The following CCN2 variants were observed in gnomAD, a reference collection of about 807,000 sequenced individuals.
CCN2 encodes CCN family member 2.
In CCN2, 22 loss-of-function variants were observed where a neutral mutation model predicts 33.2. The ratio of observed to expected loss-of-function variants is 0.66; its 90% CI spans 0.47 to 0.95. The LOEUF (loss-of-function observed/expected upper bound fraction) is 0.95. Among genes scored for constraint, CCN2 ranks in the 40% least tolerant of loss-of-function variants. The probability of loss-of-function intolerance (pLI) is 0.00; values close to 1 mark genes in which losing one functional copy is unlikely to be tolerated. For missense variants in CCN2, 469 were observed against 498.8 expected (o/e 0.94, Z 0.57); for synonymous variants, 178 against 200.6 (o/e 0.89, Z 0.95).
chr6:131,950,782 C>A lies in CCN2; in HGVS notation c.277G>T (p.Gly93Cys). The change falls in exon 2 of 5, where the codon GGC (glycine) becomes TGC (cysteine). Residue 93 changes from glycine to cysteine, a missense_variant. Physicochemically the swap from Gly to Cys is radical, Grantham distance 159. Transcript: ENST00000367976. This position sits in a 1 kb window ranked among gnomAD's most constrained non-coding sequence, Gnocchi z 7.1. ...HFGSPANRKI[G>C]VCTAKDGAPC... ...CTGCGGGTCTTACCGGTGCACACGC[C>A]GATCTTGCGGTTGGCCGGGGAGCCG... is the stretch of plus-strand genomic sequence containing the variant. 6.5e-7 allele frequency: 1 copy of A among 1,543,764 alleles called. No homozygotes were observed. The highest frequency in any genetic ancestry group is 8.7e-7 in the Non-Finnish European group (1 of 1,152,046).
In CCN2 at chr6:131,949,527, A is replaced by C. The variant is rs1585879928; in HGVS notation, c.787T>G (p.Ser263Ala). The stretch of plus-strand genomic sequence containing the variant: ...GAAAGCTCAAACTTGATAGGCTTGG[A>C]GATTTTGGGAGTACGGATGCACTTT... Reference protein sequence around the residue: ...GKKCIRTPKISKPIKFELSGC... With the variant: ...GKKCIRTPKIAKPIKFELSGC... Residue 263 changes from serine (S) to alanine (A), a missense_variant, in exon 5 of 5, where the codon TCC becomes GCC. Physicochemically the swap from Ser to Ala is moderately conservative, Grantham distance 99 (BLOSUM62 1). Transcript: ENST00000367976. 6.9e-7 allele frequency: 1 copy of C among 1,445,338 alleles called. No individual in the cohort carries two copies. The highest frequency in any genetic ancestry group is 9.3e-7 in the Non-Finnish European group (1 of 1,072,106). 89.5% of individuals were successfully genotyped at this position (1,445,338 alleles called of 1,614,324 possible).
chr6:131,951,029 G>C (rs979249373), intron 1 of CCN2, 37 bp from the exon 2 acceptor site: 1 of 1,255,414 alleles, frequency 8.0e-7, no homozygotes, highest in African/African-American at 1.6e-5. Context: ...GCGCTCGGTC[G>C]GCGCGCACGC....
Position 131,950,448 on chromosome 6 carries a change from C to G in CCN2, c.385G>C (p.Gly129Arg). 1 of 1,614,000 alleles carries G rather than the reference C, an allele frequency of 6.2e-7. No homozygotes were observed. The highest frequency in any genetic ancestry group is 8.5e-7 in the Non-Finnish European group (1 of 1,180,034). The change falls in exon 3 of 5, where the codon GGG becomes CGG. Residue 129 changes from glycine to arginine, a missense_variant. Physicochemically the swap from Gly to Arg is moderately radical, Grantham distance 125 (BLOSUM62 -2). Coordinates refer to ENST00000367976, the MANE Select transcript of CCN2 (RefSeq NM_001901.4). This position sits in a 1 kb window ranked among gnomAD's most constrained non-coding sequence, Gnocchi z 7.1. The stretch of plus-strand genomic sequence containing the variant: ...CACAGGGGCATGCAGCCCACCGCCC[C>G]GTCCAGGCACGTGCACTGGTACTTG... ...SCKYQCTCLD[G>R]AVGCMPLCSM... is the part of the protein sequence containing the mutation.
At position 131,950,676 on chromosome 6, in the gene CCN2, G is replaced by C; in HGVS notation, c.289+94C>G. On this transcript the variant is annotated intron_variant, in intron 2 of 4. Transcript: ENST00000367976. The surrounding 1 kb of genome is among the most constrained non-coding windows in gnomAD (Gnocchi z 7.1). ...GGCGGGCTGGCAGCAGCTGGAGAAA[G>C]AAACTCAGTCCGAGCGGTTTCTTTT... is the stretch of plus-strand genomic sequence containing the variant. 1 of 1,488,830 alleles carries C rather than the reference G, an allele frequency of 6.7e-7. No homozygotes were observed. The highest frequency in any genetic ancestry group is 9.1e-7 in the Non-Finnish European group (1 of 1,104,686). The allele number at this position is 1,488,830 out of a possible 1,614,324, so 92.2% of individuals were successfully genotyped here. A position where few individuals can be genotyped will look rare whatever the true frequency, so the allele number is the denominator to read the frequency against.
chr6:131,949,258 C>G lies in CCN2; in HGVS notation c.*6G>C. On this transcript the variant is annotated 3_prime_UTR_variant, in exon 5 of 5. Coordinates refer to ENST00000367976, the MANE Select transcript of CCN2 (RefSeq NM_001901.4). ...CTAATGAGTTAATGTCTCTCACTCT[C>G]TGGCTTCATGCCATGTCTCCGTACA... is the stretch of plus-strand genomic sequence containing the variant. 1.2e-6 allele frequency: 2 copies of G among 1,611,700 alleles called. No individual in the cohort carries two copies. The highest frequency in any genetic ancestry group is 1.7e-6 in the Non-Finnish European group (2 of 1,177,970).
Position 131,948,397 on chromosome 6 carries a change from A to G in CCN2, c.*867T>C, listed in dbSNP as rs1334587645. The G allele has an allele frequency of 6.6e-6, 1 of 152,632 alleles. No homozygotes were observed. Among genetic ancestry groups the G allele is most frequent in the African/African-American group, 2.4e-5 (1 of 41,458 alleles). The allele number at this position is 152,632 out of a possible 1,614,324, so 9.5% of individuals were successfully genotyped here. On this transcript the variant is annotated 3_prime_UTR_variant, in exon 5 of 5. Transcript: ENST00000367976. ...CTACCACATTTCCTACCTAGAAATC[A>G]GCCTGCCAAGGACACTGATGCCTCC...
At position 131,949,499 on chromosome 6, in the gene CCN2, C is replaced by A; in HGVS notation, c.815G>T (p.Gly272Val). 6.2e-7 allele frequency: 1 copy of A among 1,613,404 alleles called. No homozygotes were observed. ...ISKPIKFELS[G>V]CTSMKTYRAK... is the part of the protein sequence containing the mutation. Reference sequence around the variant, plus strand: ...TCGGTATGTCTTCATGCTGGTGCAGCCAGAAAGCTCAAACTTGATAGGCTT... The same window carrying A: ...TCGGTATGTCTTCATGCTGGTGCAGACAGAAAGCTCAAACTTGATAGGCTT... Residue 272 changes from glycine (G) to valine (V), a missense_variant, in exon 5 of 5, where the codon GGC (glycine) becomes GTC (valine). Physicochemically the swap from Gly to Val is moderately radical, Grantham distance 109 (BLOSUM62 -3). Coordinates refer to ENST00000367976, the MANE Select transcript of CCN2 (RefSeq NM_001901.4).
At position 131,949,097 on chromosome 6, in the gene CCN2, T is replaced by A. The variant is rs1783060089; in HGVS notation, c.*167A>T. The A allele has an allele frequency of 1.7e-5, 11 of 646,182 alleles. No individual in the cohort carries two copies. In the South Asian group the frequency reaches 2.1e-4, roughly 12 times the overall value. 40.0% of individuals were successfully genotyped at this position (646,182 alleles called of 1,614,324 possible). On this transcript the variant is annotated 3_prime_UTR_variant, in exon 5 of 5. Coordinates refer to ENST00000367976, the MANE Select transcript of CCN2 (RefSeq NM_001901.4). ...AAACCAGTGTCTGGGGTTGATAGAC[T>A]ATTTGTTTGACATGGCACAATGTTT...
Position 131,950,760 on chromosome 6 carries a change from CG to C in CCN2, c.289+9del. 1 of 1,532,966 alleles carries C rather than the reference CG, an allele frequency of 6.5e-7. No homozygotes were observed. The highest frequency in any genetic ancestry group is 8.7e-7 in the Non-Finnish European group (1 of 1,145,678). 95.0% of individuals were successfully genotyped at this position (1,532,966 alleles called of 1,614,324 possible). A position where few individuals can be genotyped will look rare whatever the true frequency, so the allele number is the denominator to read the frequency against. On this transcript the variant is annotated intron_variant, in intron 2 of 4. Transcript: ENST00000367976. The surrounding 1 kb of genome is among the most constrained non-coding windows in gnomAD (Gnocchi z 7.1). ...GCCGGACACCTAGCGGTGGGGGCTG[CG>C]GGTCTTACCGGTGCACACGCCGATC...
intron 1 of CCN2, 23 bp downstream of exon 1, chr6:131,951,084 C>A: frequency 5.4e-6 from 7 of 1,304,380 alleles, no homozygotes; most frequent in South Asian, 2.3e-5. Flanking sequence ...CCGCCGGCCG[C>A]AGCGGGGGCT....
rs1783061314 is a variant in CCN2, at chr6:131,949,175, TGTGCTACTG to T, written c.*80_*88del. 2 of 1,144,844 alleles carry T rather than the reference TGTGCTACTG, an allele frequency of 1.7e-6. No individual in the cohort carries two copies. Among genetic ancestry groups the T allele is most frequent in the Non-Finnish European group, 1.3e-6 (1 of 780,404 alleles). 70.9% of individuals were successfully genotyped at this position (1,144,844 alleles called of 1,614,324 possible). Reference sequence around the variant, plus strand: ...GTTAGAAAAACAGATTTAAATAACTTGTGCTACTGAAATCATTTTTACGGAAAAATGAGA... The same window carrying T: ...GTTAGAAAAACAGATTTAAATAACTTAAATCATTTTTACGGAAAAATGAGA... On this transcript the variant is annotated 3_prime_UTR_variant, in exon 5 of 5. Coordinates refer to ENST00000367976, the MANE Select transcript of CCN2 (RefSeq NM_001901.4).
Position 131,951,259 on chromosome 6 carries a change from G to T in CCN2, c.-87C>A, listed in dbSNP as rs1783107300. The T allele has an allele frequency of 8.8e-7, 1 of 1,139,098 alleles. No individual in the cohort carries two copies. The highest frequency in any genetic ancestry group is 1.1e-6 in the Non-Finnish European group (1 of 905,338). The allele number at this position is 1,139,098 out of a possible 1,614,324, so 70.6% of individuals were successfully genotyped here. ...GAGCGCTGGCGGTGGTCGGAGGTGG[G>T]GACCGGGACGCGCCGGGCTGTCGTC... On this transcript the variant is annotated 5_prime_UTR_variant, in exon 1 of 5. Coordinates refer to ENST00000367976, the MANE Select transcript of CCN2 (RefSeq NM_001901.4).
Position 131,950,459 on chromosome 6 carries a change from G to A in CCN2, c.374C>T (p.Thr125Met), listed in dbSNP as rs1783087880. The A allele has an allele frequency of 6.2e-6, 10 of 1,614,024 alleles. No individual in the cohort carries two copies. The highest frequency in any genetic ancestry group is 2.2e-5 in the East Asian group (1 of 44,870). ...GCAGCCCACCGCCCCGTCCAGGCAC[G>A]TGCACTGGTACTTGCAGCTGCTCTG... Reference protein sequence around the residue: ...SFQSSCKYQCTCLDGAVGCMP... With the variant: ...SFQSSCKYQCMCLDGAVGCMP... Residue 125 changes from threonine to methionine, a missense_variant, in exon 3 of 5, where the codon ACG becomes ATG. Physicochemically the swap from Thr to Met is moderately conservative, Grantham distance 81 (BLOSUM62 -1). Transcript: ENST00000367976. This position sits in a 1 kb window ranked among gnomAD's most constrained non-coding sequence, Gnocchi z 7.1.
Position 131,950,704 on chromosome 6 carries a change from C to T in CCN2, c.289+66G>A. 6.8e-7 allele frequency: 1 copy of T among 1,476,242 alleles called. No homozygotes were observed. The highest frequency in any genetic ancestry group is 9.0e-7 in the Non-Finnish European group (1 of 1,105,594). The allele number at this position is 1,476,242 out of a possible 1,614,324, so 91.4% of individuals were successfully genotyped here. On this transcript the variant is annotated intron_variant, in intron 2 of 4. Transcript: ENST00000367976. This position sits in a 1 kb window ranked among gnomAD's most constrained non-coding sequence, Gnocchi z 7.1. ...ACTCAGTCCGAGCGGTTTCTTTTTC[C>T]AGCGGGCGGGTGGGCGTGAGGGAGG...
chr6:131,950,166 A>G lies in CCN2; in HGVS notation c.542-6T>C. On this transcript the variant is annotated splice_polypyrimidine_tract_variant and splice_region_variant and intron_variant, in intron 3 of 4. Coordinates refer to ENST00000367976, the MANE Select transcript of CCN2 (RefSeq NM_001901.4). The surrounding 1 kb of genome is among the most constrained non-coding windows in gnomAD (Gnocchi z 7.1). ...CGTGTCTTCCAGTCGGTAAGCTGCG[A>G]GAGCAGAGCACACAAACACCATGTA... The G allele has an allele frequency of 1.2e-6, 2 of 1,614,230 alleles. No homozygotes were observed. The highest frequency in any genetic ancestry group is 1.7e-6 in the Non-Finnish European group (2 of 1,180,046).
In CCN2 at chr6:131,950,742, A is replaced by G. The variant is rs1783093414; in HGVS notation, c.289+28T>C. The stretch of plus-strand genomic sequence containing the variant: ...GGCGTGAGGGAGGAGGCGGCCGGAC[A>G]CCTAGCGGTGGGGGCTGCGGGTCTT... On this transcript the variant is annotated intron_variant, in intron 2 of 4. Coordinates refer to ENST00000367976, the MANE Select transcript of CCN2 (RefSeq NM_001901.4). This position sits in a 1 kb window ranked among gnomAD's most constrained non-coding sequence, Gnocchi z 7.1. The G allele has an allele frequency of 1.3e-6, 2 of 1,517,854 alleles. No individual in the cohort carries two copies. Among genetic ancestry groups the G allele is most frequent in the Admixed American group, 2.0e-5 (1 of 49,196 alleles). The allele number at this position is 1,517,854 out of a possible 1,614,324, so 94.0% of individuals were successfully genotyped here.
In CCN2 at chr6:131,949,145, C is replaced by T. The variant is rs772260898; in HGVS notation, c.*119G>A. 5 of 904,334 alleles carry T rather than the reference C, an allele frequency of 5.5e-6. No individual in the cohort carries two copies. The highest frequency in any genetic ancestry group is 2.1e-5 in the Admixed American group (1 of 47,232). The allele number at this position is 904,334 out of a possible 1,614,324, so 56.0% of individuals were successfully genotyped here. ...TTTTGAATTGGGTGGGAATCTTTTC[C>T]CCCAGTTAGAAAAACAGATTTAAAT... On this transcript the variant is annotated 3_prime_UTR_variant, in exon 5 of 5. Coordinates refer to ENST00000367976, the MANE Select transcript of CCN2 (RefSeq NM_001901.4).
chr6:131,950,798 C>T lies in CCN2; in HGVS notation c.261G>A (p.Pro87=). 1 of 1,546,002 alleles carries T rather than the reference C, an allele frequency of 6.5e-7. No homozygotes were observed. Among genetic ancestry groups the T allele is most frequent in the Non-Finnish European group, 8.7e-7 (1 of 1,153,194 alleles). The change falls in exon 2 of 5, where the codon CCG becomes CCA. Residue 87 remains proline (P), a synonymous_variant. Transcript: ENST00000367976. This position sits in a 1 kb window ranked among gnomAD's most constrained non-coding sequence, Gnocchi z 7.1. ...TGCACACGCCGATCTTGCGGTTGGC[C>T]GGGGAGCCGAAGTGACAGAATAGGC... ...HKGLFCHFGS[P]ANRKIGVCTA... is the part of the protein sequence containing the mutation.
rs1280872919 is a variant in CCN2, at chr6:131,948,403, C to T, written c.*861G>A. 6.6e-6 allele frequency: 1 copy of T among 152,556 alleles called. No individual in the cohort carries two copies. Among genetic ancestry groups the T allele is most frequent in the Non-Finnish European group, 1.5e-5 (1 of 68,020 alleles). The allele number at this position is 152,556 out of a possible 1,614,324, so 9.5% of individuals were successfully genotyped here. ...CATTTCCTACCTAGAAATCAGCCTG[C>T]CAAGGACACTGATGCCTCCCCTTTG... is the stretch of plus-strand genomic sequence containing the variant. On this transcript the variant is annotated 3_prime_UTR_variant, in exon 5 of 5. Coordinates refer to ENST00000367976, the MANE Select transcript of CCN2 (RefSeq NM_001901.4).
Sources: gnomAD v4.1 joint callset for allele counts on GRCh38, gnomAD v4.1.1 for gene constraint, Gnocchi (gnomAD v3.1) non-coding constraint, MANE v1.5 for transcripts, NCBI Gene and HGNC (gene_info 2026-07-23, HGNC 2026-07-21) for gene names.